Variants in IGF1R observed in about 807,000 individuals in gnomAD.
IGF1R encodes the protein insulin-like growth factor 1 receptor.
Under a neutral mutation model 144.6 loss-of-function variants are expected in IGF1R, and 44 were observed. That is an observed-to-expected ratio of 0.30 (90% CI 0.24 to 0.39). IGF1R has a LOEUF of 0.39. Ranked by LOEUF, IGF1R falls within the 10% of genes least tolerant of loss-of-function variation. IGF1R has a pLI of 1.00. For missense variants in IGF1R, 1,355 were observed against 1,833.7 expected, an observed-to-expected ratio of 0.74 and a Z score of 4.77; for synonymous variants, 795 against 722.8, an observed-to-expected ratio of 1.10 and a Z score of -1.60.
In IGF1R at chr15:98,916,539, G is replaced by A. The variant is rs948600978; in HGVS notation, c.1997-133G>A. ...GGCCTCCCAAAGTGCTGGGATTATA[G>A]CCTTGAGCCACCACATCTGGCCGAG... is the stretch of plus-strand genomic sequence containing the variant. On this transcript the variant is annotated intron_variant, in intron 9 of 20. Coordinates refer to ENST00000650285, the MANE Select transcript of IGF1R (RefSeq NM_000875.5). 3.3e-5 allele frequency: 28 copies of A among 851,990 alleles called. No homozygotes were observed. In the South Asian group the frequency reaches 3.9e-4, roughly 12 times the overall value. 52.8% of individuals were successfully genotyped at this position (851,990 alleles called of 1,614,324 possible).
chr15:98,852,303 C>T (rs1454879693), intron 2 of IGF1R, among the ~76,000 whole-genome samples: 3 of 152,110 alleles, frequency 2.0e-5, no homozygotes, highest in Non-Finnish European at 2.9e-5. Flanking sequence ...CTGGCGCGCG[C>T]GCCCCACCCC....
intron 2 of IGF1R, among the ~76,000 whole-genome samples, chr15:98,739,464 GT>G (rs1385444426): frequency 6.6e-6 from 1 of 151,988 alleles, no homozygotes; most frequent in Non-Finnish European, 1.5e-5. Flanking sequence ...CTGATCAAAT[GT>G]TATGTCTTTT....
intron 2 of IGF1R, among the ~76,000 whole-genome samples, chr15:98,828,337 T>C (rs2056934905): frequency 6.6e-6 from 1 of 152,138 alleles, no homozygotes; most frequent in Non-Finnish European, 1.5e-5. Flanking sequence ...AAAAAGCCAC[T>C]GCAAGCCCTC....
chr15:98,956,126 G>T (rs966655423), intron 20 of IGF1R, among the ~76,000 whole-genome samples: 11 of 152,252 alleles, frequency 7.2e-5, no homozygotes, highest in African/African-American at 2.4e-4. Flanking sequence ...CAGGGCAGCC[G>T]GCTTTCCTTG....
At chr15:98,762,024 C>T (rs1216884368) in intron 2 of IGF1R, among the ~76,000 whole-genome samples, 1 of 152,164 alleles carries the variant, frequency 6.6e-6, no homozygotes, top group Non-Finnish European at 1.5e-5. Context: ...GCCTGCCTAG[C>T]ATTTGTTCCC....
At chr15:98,814,530 A>G (rs1327805940) in intron 2 of IGF1R, among the ~76,000 whole-genome samples, 1 of 152,172 alleles carries the variant, frequency 6.6e-6, no homozygotes, top group Non-Finnish European at 1.5e-5. Flanking sequence ...AATTTTTTGT[A>G]GAGATGGGGG....
At chr15:98,668,804 C>G (rs1224408852) in intron 1 of IGF1R, among the ~76,000 whole-genome samples, 1 of 59,068 alleles carries the variant, frequency 1.7e-5, no homozygotes, top group Non-Finnish European at 7.3e-5. Context: ...TCGTGACCCT[C>G]CAGGGTCTGT....
intron 2 of IGF1R, among the ~76,000 whole-genome samples, chr15:98,719,386 T>C (rs1351155226): frequency 6.6e-6 from 1 of 152,164 alleles, no homozygotes; most frequent in Non-Finnish European, 1.5e-5. Flanking sequence ...TAGTCCTTTA[T>C]GAATGGAATT....
At chr15:98,772,521 A>G (rs939491493) in intron 2 of IGF1R, among the ~76,000 whole-genome samples, 2 of 30,078 alleles carry the variant, frequency 6.6e-5, no homozygotes, top group Non-Finnish European at 1.9e-4. Flanking sequence ...TTATTTTAAG[A>G]ATTAGGTCTC....
intron 3 of IGF1R, among the ~76,000 whole-genome samples, chr15:98,892,278 C>T (rs1415575817): frequency 6.6e-6 from 1 of 152,142 alleles, no homozygotes; most frequent in African/African-American, 2.4e-5. Context: ...TATGGCCAGG[C>T]ATGTGGCTCA....
In IGF1R at chr15:98,948,743, G is replaced by A. The variant is rs200279429; in HGVS notation, c.3722+35G>A. 1.3e-5 allele frequency: 21 copies of A among 1,611,754 alleles called. No homozygotes were observed. In the Middle Eastern group the frequency reaches 4.9e-4, roughly 38 times the overall value. ...TCCTGGGCCCTCCGTGCTCTTCTGA[G>A]TTCTCTTCTCAAATACCTGTTTTCT... On this transcript the variant is annotated intron_variant, in intron 20 of 20. Coordinates refer to ENST00000650285, the MANE Select transcript of IGF1R (RefSeq NM_000875.5).
chr15:98,877,843 T>C (rs2013141009), intron 2 of IGF1R, among the ~76,000 whole-genome samples: 2 of 152,246 alleles, frequency 1.3e-5, no homozygotes, highest in Admixed American at 6.5e-5. Context: ...GACAAAATTT[T>C]ATCAGAAACA....
chr15:98,944,367 G>A (rs75471472), intron 19 of IGF1R, among the ~76,000 whole-genome samples: 1,959 of 152,304 alleles, frequency 0.013, 60 homozygotes, highest in African/African-American at 0.045. Flanking sequence ...CATAACTACT[G>A]TGAACCAATA....
At chr15:98,686,842 TA>T (rs2053342040) in intron 1 of IGF1R, among the ~76,000 whole-genome samples, 1 of 152,092 alleles carries the variant, frequency 6.6e-6, no homozygotes, top group Non-Finnish European at 1.5e-5. Flanking sequence ...GGTGAATTTT[TA>T]AATTTTTGTA....
intron 2 of IGF1R, among the ~76,000 whole-genome samples, chr15:98,889,714 G>A (rs894594986): frequency 1.3e-5 from 2 of 151,958 alleles, no homozygotes; most frequent in African/African-American, 4.8e-5. Flanking sequence ...TTAATAAAGG[G>A]GTCACTTGTG....
chr15:98,900,181 C>CTT (rs573729861), intron 5 of IGF1R, among the ~76,000 whole-genome samples: 4 of 152,212 alleles, frequency 2.6e-5, no homozygotes, highest in African/African-American at 9.7e-5. Context: ...CACAGGCCTG[C>CTT]TTTGTGATAG....
intron 1 of IGF1R, among the ~76,000 whole-genome samples, chr15:98,674,619 T>C (rs545915409): frequency 2.0e-5 from 3 of 152,218 alleles, no homozygotes; most frequent in African/African-American, 7.2e-5. Flanking sequence ...CACATTTGCC[T>C]GCCGCCAGAC....
At chr15:98,746,234 T>C (rs2054861710) in intron 2 of IGF1R, among the ~76,000 whole-genome samples, 1 of 151,966 alleles carries the variant, frequency 6.6e-6, no homozygotes, top group African/African-American at 2.4e-5. Flanking sequence ...TTCACCGGGG[T>C]AGGTGGGGAA....
At chr15:98,805,366 T>A (rs2056449432) in intron 2 of IGF1R, among the ~76,000 whole-genome samples, 1 of 152,198 alleles carries the variant, frequency 6.6e-6, no homozygotes, top group African/African-American at 2.4e-5. Context: ...ACAGAGCTAC[T>A]GTTTCTCTAG....
Sources: allele counts gnomAD v4.1 joint callset (sites outside exome capture counted in the v4.1 genomes callset), GRCh38; gene constraint gnomAD v4.1.1; transcripts MANE v1.5; gene names NCBI Gene and HGNC (gene_info 2026-07-23, HGNC 2026-07-21).